Variants in MAST4 observed in about 807,000 individuals in gnomAD.
The protein encoded by MAST4 is microtubule associated serine/threonine kinase family member 4, also known as microtubule-associated serine/threonine-protein kinase 4.
A neutral mutation model predicts 162.7 loss-of-function variants in MAST4; 89 were observed. The ratio of observed to expected loss-of-function variants is 0.55; its 90% CI spans 0.46 to 0.65. The LOEUF is 0.65. MAST4 is among the 30% of genes least tolerant of loss of function. The pLI is 0.00. For missense variants in MAST4, 3,153 were observed against 3,374.0 expected (o/e 0.93, Z 1.62); for synonymous variants, 1,479 against 1,361.1 (o/e 1.09, Z -1.91).
chr5:66,796,438 C>T (rs1755650421), intron 3 of MAST4, among the ~76,000 whole-genome samples: 1 of 151,890 alleles, frequency 6.6e-6, no homozygotes, highest in Non-Finnish European at 1.5e-5. Flanking sequence ...TGTTCATTAC[C>T]TTCTTTAGGT....
chr5:66,909,529 G>A (rs12520670), intron 4 of MAST4, among the ~76,000 whole-genome samples: 28 of 152,168 alleles, frequency 1.8e-4, no homozygotes, highest in South Asian at 1.7e-3. Flanking sequence ...TCTTTATTTC[G>A]TAAACAAGGA....
intron 1 of MAST4, among the ~76,000 whole-genome samples, chr5:66,657,860 A>G (rs778390352): frequency 6.6e-6 from 1 of 152,254 alleles, no homozygotes; most frequent in Admixed American, 6.5e-5. Context: ...CCACCCATAC[A>G]GGTTGGGAGA....
At position 66,741,724 on chromosome 5, in the gene MAST4, A is replaced by G. The variant is rs117942404; in HGVS notation, c.364-17985A>G. Among the ~76,000 whole-genome samples the G allele has an allele frequency of 4.5e-4, 69 of 152,288 alleles. 1 individual carries two copies. The East Asian group carries it at 0.013, about 29-fold the overall frequency. ...AAATATGTGGAATTGGAGGAAAAAG[A>G]ACCCCATAGCCCTGGTGAGGAGGTG... On this transcript the variant is annotated intron_variant, in intron 1 of 28. Coordinates refer to ENST00000403625, the MANE Select transcript of MAST4 (RefSeq NM_001164664.2).
At chr5:66,837,885 TATATATA>T (rs1561368645) in intron 3 of MAST4, among the ~76,000 whole-genome samples, 4 of 46,448 alleles carry the variant, frequency 8.6e-5, no homozygotes, top group South Asian at 8.9e-4. Context: ...TATATATATA[TATATATA>T]TATTTTTTTT....
intron 2 of MAST4, among the ~76,000 whole-genome samples, chr5:66,772,350 T>C (rs886996898): frequency 6.6e-6 from 1 of 152,232 alleles, no homozygotes; most frequent in African/African-American, 2.4e-5. Flanking sequence ...TTTATGTTTT[T>C]TTAAGATTTT....
intron 1 of MAST4, among the ~76,000 whole-genome samples, chr5:66,715,623 A>G (rs899470894): frequency 6.6e-6 from 1 of 151,508 alleles, no homozygotes. Flanking sequence ...ATACATATAT[A>G]ATAAACCTGC....
chr5:66,653,632 G>A (rs928289514), intron 1 of MAST4, among the ~76,000 whole-genome samples: 1 of 152,168 alleles, frequency 6.6e-6, no homozygotes, highest in Non-Finnish European at 1.5e-5. Context: ...GGGCCAGGGT[G>A]ATTCACATCT....
At chr5:66,608,482 T>C (rs1341286539) in intron 1 of MAST4, among the ~76,000 whole-genome samples, 2 of 148,370 alleles carry the variant, frequency 1.3e-5, no homozygotes, top group Non-Finnish European at 3.0e-5. Context: ...AATGCTTACA[T>C]AGGAAAATAT....
intron 3 of MAST4, among the ~76,000 whole-genome samples, chr5:66,873,173 A>C (rs553279360): frequency 8.3e-4 from 127 of 152,310 alleles, no homozygotes; most frequent in African/African-American, 2.9e-3. Flanking sequence ...AAATAGGTTT[A>C]AAAGGTCACA....
intron 1 of MAST4, among the ~76,000 whole-genome samples, chr5:66,754,603 C>CCA (rs959313073): frequency 3.9e-5 from 6 of 152,004 alleles, no homozygotes; most frequent in Admixed American, 3.9e-4. Flanking sequence ...TTTGCTCTTT[C>CCA]CACCAATATT....
intron 3 of MAST4, among the ~76,000 whole-genome samples, chr5:66,857,980 G>A (rs1268448201): frequency 4.0e-5 from 6 of 150,624 alleles, no homozygotes; most frequent in African/African-American, 1.2e-4. Context: ...TTTTTGAGAT[G>A]GAGTCTCACT....
chr5:67,125,856 T>A (rs1768162814), intron 14 of MAST4, among the ~76,000 whole-genome samples: 1 of 152,238 alleles, frequency 6.6e-6, no homozygotes, highest in Non-Finnish European at 1.5e-5. Flanking sequence ...TGAACTAATT[T>A]ACACTCCCAC....
At chr5:67,141,332 G>A (rs1032852000) in intron 19 of MAST4, among the ~76,000 whole-genome samples, 1 of 152,084 alleles carries the variant, frequency 6.6e-6, no homozygotes, top group Non-Finnish European at 1.5e-5. Flanking sequence ...TATGTGTGCT[G>A]GTGGCAGGGC....
intron 4 of MAST4, among the ~76,000 whole-genome samples, chr5:66,935,526 G>T (rs1742641368): frequency 6.6e-6 from 1 of 152,014 alleles, no homozygotes; most frequent in Non-Finnish European, 1.5e-5. Context: ...TTCTGTCCCG[G>T]AGAAGCCTGA....
chr5:66,682,200 AG>A (rs1748375356), intron 1 of MAST4, among the ~76,000 whole-genome samples: 1 of 152,188 alleles, frequency 6.6e-6, no homozygotes, highest in Non-Finnish European at 1.5e-5. Context: ...AGTAGTCGTG[AG>A]TGGCCCCACA....
At chr5:67,068,114 A>G (rs1405068885) in intron 5 of MAST4, among the ~76,000 whole-genome samples, 1 of 152,142 alleles carries the variant, frequency 6.6e-6, no homozygotes, top group Non-Finnish European at 1.5e-5. Context: ...CTTCTAGAAG[A>G]ATCAGGAAAG....
chr5:66,660,113 C>G (rs12652474), intron 1 of MAST4, among the ~76,000 whole-genome samples: 76,055 of 152,078 alleles, frequency 0.5, 19,408 homozygotes, highest in South Asian at 0.66. Context: ...GCGTGGCTGG[C>G]CACGGTGGCT....
intron 4 of MAST4, among the ~76,000 whole-genome samples, chr5:66,988,256 T>C (rs992613375): frequency 2.0e-5 from 3 of 152,184 alleles, no homozygotes; most frequent in African/African-American, 4.8e-5. Flanking sequence ...ATCCTTAGCA[T>C]TGGGATTACC....
rs2151132414 is a variant in MAST4 at position 67,164,648 on chromosome 5, A to G, written c.5469A>G (p.Pro1823=). The G allele has an allele frequency of 6.2e-7, 1 of 1,614,004 alleles. No homozygotes were observed. The highest frequency in any genetic ancestry group is 1.7e-5 in the Admixed American group (1 of 60,028). The change falls in exon 29 of 29, where the codon CCA becomes CCG. Residue 1823 remains proline (P), a synonymous_variant. Transcript: ENST00000403625. The surrounding 1 kb of genome is among the most constrained non-coding windows in gnomAD (Gnocchi z 5.3). ...CCTCCAAGACAGAACTGCCTTCCCC[A>G]GAGTCTGCACAGAGCCCCAGCCCAA... ...PQASKTELPS[P]ESAQSPSPSG...
Sources: gnomAD v4.1 joint callset for allele counts (sites outside exome capture counted in the v4.1 genomes callset) on GRCh38, gnomAD v4.1.1 for gene constraint, Gnocchi (gnomAD v3.1) non-coding constraint, MANE v1.5 for transcripts, NCBI Gene and HGNC (gene_info 2026-07-23, HGNC 2026-07-21) for gene names.